The following SLC28A3 variants were observed in gnomAD, a reference collection of about 807,000 sequenced individuals.
SLC28A3 encodes the protein solute carrier family 28 member 3.
SLC28A3 carries 68 observed loss-of-function variants against 84.2 expected under a neutral mutation model. The observed-to-expected ratio is 0.81, with a 90% confidence interval of 0.66 to 0.99. The LOEUF (loss-of-function observed/expected upper bound fraction) is 0.99. Among genes scored for constraint, SLC28A3 ranks in the 50% least tolerant of loss-of-function variants. The probability of loss-of-function intolerance (pLI) is 0.00; values close to 1 mark genes in which losing one functional copy is unlikely to be tolerated. For synonymous variants in SLC28A3, 267 were observed against 303.6 expected, an observed-to-expected ratio of 0.88 and a Z score of 1.25; for missense variants, 712 against 841.5, an observed-to-expected ratio of 0.85 and a Z score of 1.90.
chr9:84,285,412 G>T lies in SLC28A3; in HGVS notation c.1580C>A (p.Ser527Ter). The T allele has an allele frequency of 6.2e-7, 1 of 1,614,170 alleles. No individual in the cohort carries two copies. Among genetic ancestry groups the T allele is most frequent in the Non-Finnish European group, 8.5e-7 (1 of 1,180,020 alleles). The change falls in exon 14 of 18, where the codon TCA becomes TAA. Residue 527 changes from serine (S) to a stop codon, truncating the protein, a stop_gained. Transcript: ENST00000376238. LOFTEE classifies it high-confidence loss of function. ...FNEFVAYEHL[S>*]KWIHLRKEGG... is the part of the protein sequence containing the mutation. ...TTCTTTCCTCAAGTGGATCCATTTT[G>T]AGAGGTGCTCATAAGCCACAAATTC...
chr9:84,358,589 C>T, the SLC28A3 span, among the ~76,000 whole-genome samples: 1 of 152,272 alleles, frequency 6.6e-6, no homozygotes, highest in South Asian at 2.1e-4. Flanking sequence ...CTATCACGTG[C>T]ATTTACTATA....
chr9:84,310,067 A>G (rs1264241657), intron 2 of SLC28A3, among the ~76,000 whole-genome samples: 1 of 152,186 alleles, frequency 6.6e-6, no homozygotes, highest in Admixed American at 6.6e-5. Flanking sequence ...AGTTAATACC[A>G]GGAGCTGCAT....
intron 4 of SLC28A3, among the ~76,000 whole-genome samples, chr9:84,304,663 C>G (rs1335916757): frequency 6.6e-6 from 1 of 152,152 alleles, no homozygotes; most frequent in African/African-American, 2.4e-5. Context: ...TAAACCAACA[C>G]ACCTCCTCAA....
upstream of SLC28A3, chr9:84,340,799 A>C: frequency 4.9e-5 from 29 of 590,394 alleles, no homozygotes; most frequent in Non-Finnish European, 6.4e-5. Context: ...TAGGGCTGAC[A>C]CCTGGTTGGG....
chr9:84,282,558 C>T (rs1430004827), intron 14 of SLC28A3, among the ~76,000 whole-genome samples: 1 of 152,214 alleles, frequency 6.6e-6, no homozygotes, highest in African/African-American at 2.4e-5. Flanking sequence ...AGGAACATCC[C>T]TTTCACGGGG....
At chr9:84,280,752 GTATGTCTA>G (rs1175063858) in intron 15 of SLC28A3, 41 bp downstream of exon 15, 1 of 1,583,850 alleles carries the variant, frequency 6.3e-7, no homozygotes, top group East Asian at 2.2e-5. Flanking sequence ...GGGGATCCAA[GTATGTCTA>G]TGGCACATCT....
intron 11 of SLC28A3, 94 bp downstream of exon 11, chr9:84,290,060 G>C: frequency 6.6e-7 from 1 of 1,514,800 alleles, no homozygotes; most frequent in South Asian, 1.3e-5. Flanking sequence ...ACACTCTCTT[G>C]GCCTCCTTTT....
At chr9:84,320,707 C>A (rs1826346225) in intron 1 of SLC28A3, among the ~76,000 whole-genome samples, 1 of 151,952 alleles carries the variant, frequency 6.6e-6, no homozygotes, top group Non-Finnish European at 1.5e-5. Context: ...GAAAAGTTGT[C>A]GGCTGGGCGC....
At chr9:84,304,978 C>T (rs371915783) in intron 4 of SLC28A3, among the ~76,000 whole-genome samples, 19 of 152,038 alleles carry the variant, frequency 1.2e-4, no homozygotes, top group East Asian at 3.9e-4. Context: ...GCTGAGATGG[C>T]GCCATTGCAC....
At chr9:84,318,892 A>C (rs1372316755) in intron 1 of SLC28A3, among the ~76,000 whole-genome samples, 1 of 152,102 alleles carries the variant, frequency 6.6e-6, no homozygotes, top group Non-Finnish European at 1.5e-5. Context: ...AAGAAAAAGG[A>C]ATATGGTTTC....
chr9:84,309,016 G>T (rs1428070411), intron 3 of SLC28A3, among the ~76,000 whole-genome samples: 1 of 152,170 alleles, frequency 6.6e-6, no homozygotes, highest in African/African-American at 2.4e-5. Context: ...CATTCGTATG[G>T]ACTGGAGCAA....
intron 2 of SLC28A3, among the ~76,000 whole-genome samples, chr9:84,312,496 G>T (rs915462873): frequency 6.7e-6 from 1 of 149,528 alleles, no homozygotes. Flanking sequence ...CTTTTACCAC[G>T]AGAAAACTCC....
At chr9:84,290,113 A>G (rs1425087605) in intron 11 of SLC28A3, 41 bp downstream of exon 11, 1 of 1,600,646 alleles carries the variant, frequency 6.2e-7, no homozygotes, top group South Asian at 1.1e-5. Flanking sequence ...ATAATAAAGA[A>G]AGAAGAGGTT....
chr9:84,353,337 G>A, the SLC28A3 span, among the ~76,000 whole-genome samples: 1 of 152,140 alleles, frequency 6.6e-6, no homozygotes, highest in Non-Finnish European at 1.5e-5. Context: ...AAACAACATG[G>A]TAAAACATCT....
rs1339827967 is a variant in SLC28A3, at chr9:84,277,579, G to A, written c.*639C>T. 6.6e-6 allele frequency: 1 copy of A among 152,038 alleles called. No homozygotes were observed. The highest frequency in any genetic ancestry group is 1.5e-5 in the Non-Finnish European group (1 of 68,046). 9.4% of individuals were successfully genotyped at this position (152,038 alleles called of 1,614,324 possible). ...AATCTGTAAGCCACTGAGGTTTTTG[G>A]GTTGTTTGTTTCTGTAGCGTAATTT... On this transcript the variant is annotated 3_prime_UTR_variant, in exon 18 of 18. Transcript: ENST00000376238.
At chr9:84,290,487 C>G (rs11140499) in intron 10 of SLC28A3, among the ~76,000 whole-genome samples, 26,405 of 152,120 alleles carry the variant, frequency 0.17, 3,213 homozygotes, top group East Asian at 0.42. Flanking sequence ...GTGGGGGCTA[C>G]CAATCTGTAT....
chr9:84,346,772 G>C, the SLC28A3 span, among the ~76,000 whole-genome samples: 525 of 152,198 alleles, frequency 3.4e-3, 2 homozygotes, highest in African/African-American at 0.012. Context: ...ACCAGGAAAG[G>C]CCAGCCAGAG....
intron 8 of SLC28A3, among the ~76,000 whole-genome samples, chr9:84,294,946 G>A (rs1825359348): frequency 6.6e-6 from 1 of 152,150 alleles, no homozygotes; most frequent in East Asian, 1.9e-4. Context: ...ATGAAGGTTG[G>A]GAGGTGGAGG....
the SLC28A3 span, among the ~76,000 whole-genome samples, chr9:84,358,152 A>G: frequency 1.3e-5 from 2 of 152,168 alleles, no homozygotes; most frequent in South Asian, 2.1e-4. Flanking sequence ...TAGCTTCAGT[A>G]GGGAAGGCAC....
Sources: gnomAD v4.1 joint callset for allele counts (sites outside exome capture counted in the v4.1 genomes callset) on GRCh38, gnomAD v4.1.1 for gene constraint, MANE v1.5 for transcripts, NCBI Gene and HGNC (gene_info 2026-07-23, HGNC 2026-07-21) for gene names.